The following OSBPL10 variants were observed in gnomAD, a reference collection of about 807,000 sequenced individuals.
OSBPL10 encodes the protein oxysterol binding protein like 10.
OSBPL10 carries 49 observed loss-of-function variants against 81.7 expected under a neutral mutation model. The ratio of observed to expected loss-of-function variants is 0.60; its 90% CI spans 0.48 to 0.76. The LOEUF (loss-of-function observed/expected upper bound fraction) is 0.76, where lower values mean the gene tolerates loss of function less well. Among genes scored for constraint, OSBPL10 ranks in the 30% least tolerant of loss-of-function variants. The pLI is 0.00. For synonymous variants in OSBPL10, 419 were observed against 383.6 expected, an observed-to-expected ratio of 1.09 and a Z score of -1.08; for missense variants, 923 against 987.8, an observed-to-expected ratio of 0.93 and a Z score of 0.88.
chr3:31,956,332 T>A (rs896707081), intron 1 of OSBPL10, among the ~76,000 whole-genome samples: 1 of 152,176 alleles, frequency 6.6e-6, no homozygotes, highest in Non-Finnish European at 1.5e-5. Context: ...TCAGGTTCTA[T>A]TAATATCAGT....
chr3:31,767,645 G>A (rs1182463622), intron 4 of OSBPL10, among the ~76,000 whole-genome samples: 4 of 152,108 alleles, frequency 2.6e-5, no homozygotes, highest in Non-Finnish European at 5.9e-5. Flanking sequence ...AGGCCTTGAG[G>A]TCTGGGGAGC....
intron 2 of OSBPL10, among the ~76,000 whole-genome samples, chr3:32,015,476 A>G (rs1699304065): frequency 6.6e-6 from 1 of 152,250 alleles, no homozygotes; most frequent in African/African-American, 2.4e-5. Flanking sequence ...CTTAAATGTT[A>G]GACCTAAAAC....
chr3:31,926,290 C>CCCCCT (rs759132998), intron 1 of OSBPL10, among the ~76,000 whole-genome samples: 1 of 45,430 alleles, frequency 2.2e-5, no homozygotes, highest in Non-Finnish European at 4.3e-5. Context: ...GGTGATTTTG[C>CCCCCT]CCCCCCAGAG....
At chr3:31,701,510 A>C (rs2125590985) in intron 7 of OSBPL10, among the ~76,000 whole-genome samples, 1 of 152,176 alleles carries the variant, frequency 6.6e-6, no homozygotes, top group Non-Finnish European at 1.5e-5. Context: ...GGTCCTCCGC[A>C]CGCCTCATGC....
chr3:31,733,125 C>T, intron 6 of OSBPL10, 132 bp downstream of exon 6: 1 of 1,281,818 alleles, frequency 7.8e-7, no homozygotes, highest in Non-Finnish European at 1.1e-6. Flanking sequence ...TTTGTCTCTC[C>T]AGGCAATTCT....
intron 2 of OSBPL10, among the ~76,000 whole-genome samples, chr3:31,992,836 G>A (rs1283485232): frequency 6.6e-6 from 1 of 152,132 alleles, no homozygotes; most frequent in East Asian, 1.9e-4. Flanking sequence ...TGTCCAGAAA[G>A]TTTTTTAAAT....
At chr3:31,983,089 G>C (rs748553175), upstream of OSBPL10, among the ~76,000 whole-genome samples, 1 of 152,236 alleles carries the variant, frequency 6.6e-6, no homozygotes, top group Non-Finnish European at 1.5e-5. Context: ...AAGCCAGTTA[G>C]TGTTGGCCAT....
chr3:31,905,407 T>A (rs1361433668), intron 1 of OSBPL10, among the ~76,000 whole-genome samples: 2 of 146,746 alleles, frequency 1.4e-5, no homozygotes, highest in African/African-American at 5.1e-5. Context: ...TGGAGTGTAG[T>A]GGCACAATCT....
intron 1 of OSBPL10, among the ~76,000 whole-genome samples, chr3:31,952,006 T>TCC (rs1697885228): frequency 6.6e-6 from 1 of 152,204 alleles, no homozygotes; most frequent in South Asian, 2.1e-4. Context: ...ATCTGTGCCT[T>TCC]CCATGAGTGG....
chr3:31,920,497 G>C (rs1261434389), intron 1 of OSBPL10, among the ~76,000 whole-genome samples: 1 of 152,292 alleles, frequency 6.6e-6, no homozygotes, highest in South Asian at 2.1e-4. Context: ...CATAAGAATT[G>C]TACTCTAGCT....
intron 4 of OSBPL10, among the ~76,000 whole-genome samples, chr3:31,823,763 T>C (rs898967520): frequency 6.6e-6 from 1 of 152,208 alleles, no homozygotes; most frequent in African/African-American, 2.4e-5. Context: ...CGTGTTATAT[T>C]ACAGCACATC....
chr3:31,933,753 A>T (rs903594696), intron 1 of OSBPL10, among the ~76,000 whole-genome samples: 1 of 152,082 alleles, frequency 6.6e-6, no homozygotes, highest in Admixed American at 6.5e-5. Flanking sequence ...CTATTAGAAC[A>T]CCCTAGGACA....
chr3:31,754,922 G>C (rs538108574), intron 4 of OSBPL10, among the ~76,000 whole-genome samples: 1 of 152,192 alleles, frequency 6.6e-6, no homozygotes, highest in Admixed American at 6.5e-5. Flanking sequence ...AGGGGACTCT[G>C]GGTCCCATTT....
chr3:31,688,281 TCTCACA>T (rs1269909214), intron 7 of OSBPL10, among the ~76,000 whole-genome samples: 83 of 113,986 alleles, frequency 7.3e-4, no homozygotes, highest in East Asian at 1.9e-3. Flanking sequence ...TCTCTCTCTC[TCTCACA>T]CACACACACA....
chr3:31,673,638 G>C (rs904115178), intron 8 of OSBPL10, among the ~76,000 whole-genome samples: 2 of 152,178 alleles, frequency 1.3e-5, no homozygotes, highest in African/African-American at 4.8e-5. Flanking sequence ...ATGGGCTACA[G>C]ATAGCCCCCA....
chr3:31,688,279 T>TCACACACACA (rs879415490), intron 7 of OSBPL10, among the ~76,000 whole-genome samples: 7 of 77,880 alleles, frequency 9.0e-5, no homozygotes, highest in African/African-American at 2.0e-4. Flanking sequence ...TCTCTCTCTC[T>TCACACACACA]CTCTCACACA....
intron 2 of OSBPL10, among the ~76,000 whole-genome samples, chr3:31,991,943 T>C (rs910600035): frequency 2.0e-5 from 3 of 151,688 alleles, no homozygotes; most frequent in Admixed American, 1.3e-4. Flanking sequence ...GTTAGGAGTT[T>C]GAGACCAGCC....
At chr3:31,873,251 T>C (rs952610926) in intron 3 of OSBPL10, among the ~76,000 whole-genome samples, 5 of 152,174 alleles carry the variant, frequency 3.3e-5, no homozygotes, top group Non-Finnish European at 4.4e-5. Context: ...TATTCTACCA[T>C]ATTCTACGAT....
intron 1 of OSBPL10, among the ~76,000 whole-genome samples, chr3:31,891,817 G>A (rs1206849071): frequency 6.6e-6 from 1 of 152,148 alleles, no homozygotes. Flanking sequence ...TTAAAGAGAA[G>A]AGAATCCATA....
Sources: allele counts gnomAD v4.1 joint callset (sites outside exome capture counted in the v4.1 genomes callset), GRCh38; gene constraint gnomAD v4.1.1; transcripts MANE v1.5; gene names NCBI Gene and HGNC (gene_info 2026-07-23, HGNC 2026-07-21).